The following MRC2 variants were observed in gnomAD, a reference collection of about 807,000 sequenced individuals.
MRC2 encodes the protein mannose receptor C-type 2.
Under a neutral mutation model 206.2 loss-of-function variants are expected in MRC2, and 84 were observed. The observed-to-expected ratio is 0.41, with a 90% confidence interval of 0.34 to 0.49. The LOEUF (loss-of-function observed/expected upper bound fraction) is 0.49, where lower values mean the gene tolerates loss of function less well. Among genes scored for constraint, MRC2 ranks in the 20% least tolerant of loss-of-function variants. MRC2 has a pLI of 0.31. For missense variants in MRC2, 1,676 were observed against 2,001.5 expected, an observed-to-expected ratio of 0.84 and a Z score of 3.10; for synonymous variants, 798 against 800.0, an observed-to-expected ratio of 1.00 and a Z score of 0.04.
Position 62,682,308 on chromosome 17 carries a change from G to A in MRC2, c.2877G>A (p.Thr959=), listed in dbSNP as rs775276986. 34 of 1,605,848 alleles carry A rather than the reference G, an allele frequency of 2.1e-5. 1 individual carries two copies. In the South Asian group the frequency reaches 2.3e-4, roughly 11 times the overall value. The change falls in exon 20 of 30, where the codon ACG becomes ACA. Residue 959 remains threonine, a synonymous_variant. Transcript: ENST00000303375. ...ICKRSNVTKE[T]QPPDLPTTAL... is the part of the protein sequence containing the mutation. ...AGCGCAGCAACGTCACCAAAGAAAC[G>A]CAGCCCCCAGACCTGCCAACTACAG...
chr17:62,682,273 T>C lies in MRC2; in HGVS notation c.2842T>C (p.Tyr948His). Residue 948 changes from tyrosine (Y) to histidine (H), a missense_variant, in exon 20 of 30, where the codon TAC becomes CAC. Transcript: ENST00000303375. ...CCAGAGGTGCCTGACAGCCTTGCCC[T>C]ACATCTGCAAGCGCAGCAACGTCAC... ...GDQRCLTALP[Y>H]ICKRSNVTKE... 6.2e-7 allele frequency: 1 copy of C among 1,603,352 alleles called. No homozygotes were observed. The highest frequency in any genetic ancestry group is 1.3e-5 in the African/African-American group (1 of 74,792).
chr17:62,662,119 A>G (rs2088687914), intron 1 of MRC2, among the ~76,000 whole-genome samples: 1 of 151,964 alleles, frequency 6.6e-6, no homozygotes, highest in Non-Finnish European at 1.5e-5. Context: ...GCATGGTGGC[A>G]TGTGCCTGTA....
chr17:62,656,439 A>C (rs898862584), intron 1 of MRC2, among the ~76,000 whole-genome samples: 30 of 152,074 alleles, frequency 2.0e-4, no homozygotes, highest in African/African-American at 7.0e-4. Flanking sequence ...CGATCTTCCC[A>C]CCTTAGCCTT....
Position 62,664,904 on chromosome 17 carries a change from C to A in MRC2, c.475C>A (p.Arg159Ser), listed in dbSNP as rs140965547. Residue 159 changes from arginine (R) to serine (S), a missense_variant, in exon 2 of 30, where the codon CGC becomes AGC. Around this residue, in one of 3 missense-constraint regions of MRC2, gnomAD observed 318 missense variants for 346.7 expected, o/e 0.92. Transcript: ENST00000303375. This position sits in a 1 kb window ranked among gnomAD's most constrained non-coding sequence, Gnocchi z 4.7. ...RGDQTRSGQW[R>S]IYGSEEDLCA... is the part of the protein sequence containing the mutation. ...TGACCAGACCCGCAGTGGCCAGTGGCGCATCTACGGCAGCGAGGAGGACCT... is the reference window on the plus strand; with the variant it reads ...TGACCAGACCCGCAGTGGCCAGTGGAGCATCTACGGCAGCGAGGAGGACCT... The A allele has an allele frequency of 6.2e-7, 1 of 1,612,920 alleles. No individual in the cohort carries two copies. The highest frequency in any genetic ancestry group is 8.5e-7 in the Non-Finnish European group (1 of 1,179,914).
intron 1 of MRC2, among the ~76,000 whole-genome samples, chr17:62,636,358 C>T (rs1407645494): frequency 2.0e-5 from 3 of 151,960 alleles, no homozygotes; most frequent in African/African-American, 7.2e-5. Flanking sequence ...ACTGATTACA[C>T]ACTAGCACAG....
chr17:62,678,448 C>A, intron 12 of MRC2, 56 bp from the exon 13 acceptor site: 1 of 1,585,028 alleles, frequency 6.3e-7, no homozygotes, highest in Middle Eastern at 2.0e-4. Flanking sequence ...CAGTAGGTGC[C>A]CCCTGAGGGG....
Position 62,627,900 on chromosome 17 carries a change from C to A in MRC2, c.98C>A (p.Pro33His). The A allele has an allele frequency of 6.8e-7, 1 of 1,468,688 alleles. No homozygotes were observed. The highest frequency in any genetic ancestry group is 1.3e-5 in the South Asian group (1 of 76,868). The allele number at this position is 1,468,688 out of a possible 1,614,324, so 91.0% of individuals were successfully genotyped here. A position where few individuals can be genotyped will look rare whatever the true frequency, so the allele number is the denominator to read the frequency against. Residue 33 changes from proline (P) to histidine (H), a missense_variant, in exon 1 of 30, where the codon CCT becomes CAT. Physicochemically the swap from Pro to His is moderately conservative, Grantham distance 77. Transcript: ENST00000303375. Reference protein sequence around the residue: ...GCLHLGRPGAPGDAALPEPNV... With the variant: ...GCLHLGRPGAHGDAALPEPNV... ...CTGCACCTCGGCCGTCCCGGCGCCC[C>A]TGGGGACGCCGCCCTCCCGGGTAAG...
chr17:62,680,925 G>T lies in MRC2; in HGVS notation c.2599G>T (p.Ala867Ser), dbSNP rs750129932. ...QAELTSVHSQ[A>S]ELDFLSHNLQ... The stretch of plus-strand genomic sequence containing the variant: ...CGAGCTGACCTCGGTGCACAGCCAG[G>T]CGGAGCTAGACTTCCTGAGCCACAA... The change falls in exon 17 of 30, where the codon GCG becomes TCG. Residue 867 changes from alanine to serine, a missense_variant. Physicochemically the swap from Ala to Ser is moderately conservative, Grantham distance 99. This residue lies in a region of MRC2 where 1,354 missense variants were observed against 1,636.6 expected (regional missense o/e 0.83). Transcript: ENST00000303375. The surrounding 1 kb of genome is among the most constrained non-coding windows in gnomAD (Gnocchi z 4.8). The T allele has an allele frequency of 6.2e-7, 1 of 1,613,232 alleles. No individual in the cohort carries two copies. Among genetic ancestry groups the T allele is most frequent in the Non-Finnish European group, 8.5e-7 (1 of 1,179,954 alleles).
chr17:62,666,600 C>T lies in MRC2; in HGVS notation c.840C>T (p.His280=), dbSNP rs766236786. The change falls in exon 4 of 30, where the codon CAC becomes CAT. Residue 280 remains histidine, a synonymous_variant. Coordinates refer to ENST00000303375, the MANE Select transcript of MRC2 (RefSeq NM_006039.5). The surrounding 1 kb of genome is among the most constrained non-coding windows in gnomAD (Gnocchi z 5.0). ...GADLLSITEI[H]EQTYINGLLT... is the part of the protein sequence containing the mutation. The stretch of plus-strand genomic sequence containing the variant: ...ATCTGCTGAGCATCACGGAGATCCA[C>T]GAGCAGACCTACATCAACGGTGAGC... The T allele has an allele frequency of 1.9e-6, 3 of 1,595,202 alleles. No homozygotes were observed. Among genetic ancestry groups the T allele is most frequent in the African/African-American group, 1.3e-5 (1 of 74,754 alleles).
intron 9 of MRC2, among the ~76,000 whole-genome samples, 190 bp downstream of exon 9, chr17:62,674,360 G>A (rs1410517179): frequency 6.6e-6 from 1 of 152,192 alleles, no homozygotes; most frequent in Non-Finnish European, 1.5e-5. Flanking sequence ...GGTGGGCGCT[G>A]TTGGGAGGAA....
At chr17:62,688,760 T>C in intron 22 of MRC2, 92 bp from the exon 23 acceptor site, 1 of 1,590,290 alleles carries the variant, frequency 6.3e-7, no homozygotes, top group Non-Finnish European at 8.6e-7. Context: ...GTCTCCCTTC[T>C]TCCAGCCTCT....
rs58466825 is a variant in MRC2, at chr17:62,636,462, T to A, written c.118+8542T>A. ...AGTAGTTCATTGGGTAATCTTCTGA[T>A]TTTTTTTTTTTTTTTTTTTTTTTTG... On this transcript the variant is annotated intron_variant, in intron 1 of 29. Coordinates refer to ENST00000303375, the MANE Select transcript of MRC2 (RefSeq NM_006039.5). Among the ~76,000 whole-genome samples, 85 of 17,460 alleles carry A rather than the reference T, an allele frequency of 4.9e-3. 7 individuals carry two copies. In the East Asian group the frequency reaches 0.15, roughly 31 times the overall value. The allele number at this position is 17,460 out of a possible 152,430, so 11.5% of individuals were successfully genotyped here.
chr17:62,685,624 C>T (rs963177323), intron 20 of MRC2, among the ~76,000 whole-genome samples: 2 of 152,120 alleles, frequency 1.3e-5, no homozygotes, highest in African/African-American at 4.8e-5. Context: ...ACTGCAGCCT[C>T]GACCTCCTAG....
Position 62,666,572 on chromosome 17 carries a change from C to A in MRC2, c.812C>A (p.Ala271Glu). 6.2e-7 allele frequency: 1 copy of A among 1,609,242 alleles called. No homozygotes were observed. The highest frequency in any genetic ancestry group is 8.5e-7 in the Non-Finnish European group (1 of 1,178,152). The change falls in exon 4 of 30, where the codon GCG becomes GAG. Residue 271 changes from alanine to glutamate, a missense_variant. Around this residue, in one of 3 missense-constraint regions of MRC2, gnomAD observed 1,354 missense variants for 1,636.6 expected, o/e 0.83. Coordinates refer to ENST00000303375, the MANE Select transcript of MRC2 (RefSeq NM_006039.5). This position sits in a 1 kb window ranked among gnomAD's most constrained non-coding sequence, Gnocchi z 5.0. ...TGGGCCAGCTGCGAGCAGCAGGGTGCGGATCTGCTGAGCATCACGGAGATC... is the reference window on the plus strand; with the variant it reads ...TGGGCCAGCTGCGAGCAGCAGGGTGAGGATCTGCTGAGCATCACGGAGATC... Reference protein sequence around the residue: ...EAWASCEQQGADLLSITEIHE... With the variant: ...EAWASCEQQGEDLLSITEIHE...
chr17:62,677,127 C>T, intron 11 of MRC2, 142 bp from the exon 12 acceptor site: 1 of 675,042 alleles, frequency 1.5e-6, no homozygotes, highest in Non-Finnish European at 2.5e-6. Context: ...CCTCCTGGCT[C>T]CAACCCCAGA....
In MRC2 at chr17:62,627,864, T is replaced by C. The variant is rs1166149253; in HGVS notation, c.62T>C (p.Leu21Pro). 1.4e-6 allele frequency: 2 copies of C among 1,477,890 alleles called. No homozygotes were observed. Among genetic ancestry groups the C allele is most frequent in the Non-Finnish European group, 1.8e-6 (2 of 1,121,786 alleles). The allele number at this position is 1,477,890 out of a possible 1,614,324, so 91.5% of individuals were successfully genotyped here. A position where few individuals can be genotyped will look rare whatever the true frequency, so the allele number is the denominator to read the frequency against. ...WPRHLLRCVL[L>P]LGCLHLGRPG... The stretch of plus-strand genomic sequence containing the variant: ...CGTCACCTGCTGCGCTGCGTCCTGC[T>C]CCTCGGGTGCCTGCACCTCGGCCGT... Residue 21 changes from leucine (L) to proline (P), a missense_variant, in exon 1 of 30, where the codon CTC (leucine) becomes CCC (proline). Physicochemically the swap from Leu to Pro is moderately conservative, Grantham distance 98 (BLOSUM62 -3). This residue lies in a region of MRC2 where 318 missense variants were observed against 346.7 expected (regional missense o/e 0.92). Coordinates refer to ENST00000303375, the MANE Select transcript of MRC2 (RefSeq NM_006039.5).
chr17:62,629,065 A>T (rs1274032776), intron 1 of MRC2, among the ~76,000 whole-genome samples: 1 of 152,198 alleles, frequency 6.6e-6, no homozygotes, highest in Non-Finnish European at 1.5e-5. Flanking sequence ...CCACATTCAC[A>T]CCAACCGGAG....
In MRC2 at chr17:62,680,875, A is replaced by G; in HGVS notation, c.2549A>G (p.Gln850Arg). Reference protein sequence around the residue: ...FEHHSTWAQAQRICTWFQAEL... With the variant: ...FEHHSTWAQARRICTWFQAEL... ...CACCACTCCACGTGGGCGCAGGCGC[A>G]GCGCATCTGCACGTGGTTCCAGGCC... Residue 850 changes from glutamine to arginine, a missense_variant, in exon 17 of 30, where the codon CAG becomes CGG. Coordinates refer to ENST00000303375, the MANE Select transcript of MRC2 (RefSeq NM_006039.5). This position sits in a 1 kb window ranked among gnomAD's most constrained non-coding sequence, Gnocchi z 4.8. The G allele has an allele frequency of 6.2e-7, 1 of 1,613,076 alleles. No individual in the cohort carries two copies. The highest frequency in any genetic ancestry group is 8.5e-7 in the Non-Finnish European group (1 of 1,179,912).
intron 6 of MRC2, among the ~76,000 whole-genome samples, chr17:62,668,439 T>C (rs1234675924): frequency 6.6e-6 from 1 of 151,286 alleles, no homozygotes; most frequent in Non-Finnish European, 1.5e-5. Flanking sequence ...ATGGTGCCTG[T>C]TGCAGTTTGG....
Sources: allele counts gnomAD v4.1 joint callset (sites outside exome capture counted in the v4.1 genomes callset), GRCh38; gene constraint gnomAD v4.1.1; regional missense constraint gnomAD v4.1.1; non-coding constraint Gnocchi (gnomAD v3.1); transcripts MANE v1.5; gene names NCBI Gene and HGNC (gene_info 2026-07-23, HGNC 2026-07-21).